Variants in VCPIP1 observed in about 807,000 individuals in gnomAD.
VCPIP1 encodes the protein deubiquitinating protein VCPIP1.
In VCPIP1, 8 loss-of-function variants were observed where a neutral mutation model predicts 85.0. The observed-to-expected ratio is 0.09, with a 90% CI of 0.06 to 0.17. The LOEUF is 0.17. VCPIP1 is among the 10% of genes least tolerant of loss of function. VCPIP1 has a pLI of 1.00. For synonymous variants in VCPIP1, 543 were observed against 544.5 expected, an observed-to-expected ratio of 1.00 and a Z score of 0.04; for missense variants, 1,070 against 1,486.3, an observed-to-expected ratio of 0.72 and a Z score of 4.61.
At chr8:66,657,342 T>A (rs1811110610) in intron 1 of VCPIP1, among the ~76,000 whole-genome samples, 1 of 152,220 alleles carries the variant, frequency 6.6e-6, no homozygotes, top group South Asian at 2.1e-4. Flanking sequence ...ATAATTTGAA[T>A]AAATGGTTCC....
intron 1 of VCPIP1, among the ~76,000 whole-genome samples, chr8:66,659,529 CTTA>C (rs1397566146): frequency 1.3e-5 from 2 of 152,118 alleles, no homozygotes; most frequent in Non-Finnish European, 2.9e-5. Flanking sequence ...AATACACCTA[CTTA>C]TTGTTTTATT....
At chr8:66,654,365 A>T (rs1283634529) in intron 1 of VCPIP1, among the ~76,000 whole-genome samples, 1 of 152,140 alleles carries the variant, frequency 6.6e-6, no homozygotes, top group Non-Finnish European at 1.5e-5. Flanking sequence ...TATCCTAGCT[A>T]CTCTGGAGGC....
intron 1 of VCPIP1, among the ~76,000 whole-genome samples, chr8:66,654,268 G>C (rs1811079228): frequency 6.6e-6 from 1 of 152,230 alleles, no homozygotes; most frequent in Admixed American, 6.5e-5. Context: ...CTGACGTCAG[G>C]AGTTCAAGAC....
chr8:66,646,524 G>A (rs1284561134), intron 2 of VCPIP1, among the ~76,000 whole-genome samples: 2 of 152,102 alleles, frequency 1.3e-5, no homozygotes, highest in Non-Finnish European at 2.9e-5. Flanking sequence ...GGCCAGGCGC[G>A]GTGGTTCACG....
chr8:66,656,695 T>C (rs1459331299), intron 1 of VCPIP1, among the ~76,000 whole-genome samples: 2 of 151,910 alleles, frequency 1.3e-5, no homozygotes, highest in Non-Finnish European at 2.9e-5. Context: ...CTGCAGCCTC[T>C]ATCTTCCAGG....
Position 66,664,888 on chromosome 8 carries a change from T to C in VCPIP1, c.2071A>G (p.Lys691Glu), listed in dbSNP as rs1313844396. ...GQESESQLPT[K>E]IILTGQKTKT... ...GTTTTCTGTCCAGTAAGAATAATTTTAGTTGGGAGCTGAGACTCTGATTCT... is the reference window on the plus strand; with the variant it reads ...GTTTTCTGTCCAGTAAGAATAATTTCAGTTGGGAGCTGAGACTCTGATTCT... Residue 691 changes from lysine to glutamate, a missense_variant, in exon 1 of 3, where the codon AAA (lysine) becomes GAA (glutamate). Lys to Glu is a moderately conservative substitution (Grantham distance 56). This residue lies in a region of VCPIP1 where 278 missense variants were observed against 298.5 expected (regional missense o/e 0.93). Coordinates refer to ENST00000310421, the MANE Select transcript of VCPIP1 (RefSeq NM_025054.5). 1 of 1,614,232 alleles carries C rather than the reference T, an allele frequency of 6.2e-7. No homozygotes were observed. The highest frequency in any genetic ancestry group is 8.5e-7 in the Non-Finnish European group (1 of 1,180,042).
In VCPIP1 at chr8:66,632,156, A is replaced by G. The variant is rs1160404940; in HGVS notation, c.*2345T>C. The G allele has an allele frequency of 6.6e-6, 1 of 152,052 alleles. No individual in the cohort carries two copies. The highest frequency in any genetic ancestry group is 1.9e-4 in the East Asian group (1 of 5,206). The allele number at this position is 152,052 out of a possible 1,614,324, so 9.4% of individuals were successfully genotyped here. A position where few individuals can be genotyped will look rare whatever the true frequency, so the allele number is the denominator to read the frequency against. The stretch of plus-strand genomic sequence containing the variant: ...CACAAATGGCAGTACTAGAAAAATA[A>G]CCATGCTATAGTCATGTATTTGGTT... On this transcript the variant is annotated 3_prime_UTR_variant, in exon 3 of 3. Transcript: ENST00000310421.
intron 1 of VCPIP1, among the ~76,000 whole-genome samples, chr8:66,652,010 CAAAAAAA>C (rs113576250): frequency 2.7e-5 from 2 of 73,552 alleles, no homozygotes; most frequent in South Asian, 3.9e-4. Flanking sequence ...TCTATCTCTA[CAAAAAAA>C]AAAAAAAAAA....
chr8:66,641,507 G>A (rs747447204), intron 2 of VCPIP1, among the ~76,000 whole-genome samples: 7 of 152,106 alleles, frequency 4.6e-5, no homozygotes, highest in Non-Finnish European at 5.9e-5. Context: ...TTACAGGCAT[G>A]AGCTACTGTG....
intron 2 of VCPIP1, among the ~76,000 whole-genome samples, chr8:66,638,671 C>T (rs1311848081): frequency 1.3e-5 from 2 of 151,702 alleles, no homozygotes; most frequent in Admixed American, 1.3e-4. Context: ...CCCAGCTACT[C>T]AGGAGGCTGA....
chr8:66,634,631 G>A lies in VCPIP1; in HGVS notation c.3539C>T (p.Ala1180Val), dbSNP rs776393183. The change falls in exon 3 of 3, where the codon GCA becomes GTA. Residue 1180 changes from alanine (A) to valine (V), a missense_variant. Ala to Val is a moderately conservative substitution (Grantham distance 64). This residue lies in a region of VCPIP1 where 255 missense variants were observed against 289.5 expected (regional missense o/e 0.88). Coordinates refer to ENST00000310421, the MANE Select transcript of VCPIP1 (RefSeq NM_025054.5). ...LNTETTDGCV[A>V]DALGAAFATR... is the part of the protein sequence containing the mutation. ...GGCAAAGGCTGCTCCCAGTGCATCTGCTACACAGCCATCAGTTGTTTCTGT... is the reference window on the plus strand; with the variant it reads ...GGCAAAGGCTGCTCCCAGTGCATCTACTACACAGCCATCAGTTGTTTCTGT... 5.6e-6 allele frequency: 9 copies of A among 1,614,204 alleles called. No homozygotes were observed. In the South Asian group the frequency reaches 9.9e-5, roughly 18 times the overall value.
intron 2 of VCPIP1, among the ~76,000 whole-genome samples, chr8:66,650,833 C>G (rs71515030): frequency 8.7e-6 from 1 of 114,362 alleles, no homozygotes; most frequent in South Asian, 2.9e-4. Flanking sequence ...ACACTCCAGT[C>G]TGGGGGACAA....
intron 2 of VCPIP1, among the ~76,000 whole-genome samples, chr8:66,637,589 T>A (rs552315429): frequency 1.6e-3 from 238 of 151,884 alleles, no homozygotes; most frequent in African/African-American, 5.5e-3. Flanking sequence ...ATAGACAGAA[T>A]GTTCAGATTT....
At chr8:66,639,393 T>C (rs1810925939) in intron 2 of VCPIP1, among the ~76,000 whole-genome samples, 1 of 148,096 alleles carries the variant, frequency 6.8e-6, no homozygotes, top group South Asian at 2.2e-4. Context: ...TCAGCTCTGT[T>C]GCCTAGGCTG....
intron 2 of VCPIP1, among the ~76,000 whole-genome samples, chr8:66,639,600 A>G (rs187157642): frequency 6.6e-6 from 1 of 152,082 alleles, no homozygotes; most frequent in Non-Finnish European, 1.5e-5. Context: ...TACTGGGATT[A>G]TAGGCATGGA....
intron 2 of VCPIP1, among the ~76,000 whole-genome samples, chr8:66,641,888 C>T (rs1187494842): frequency 1.3e-5 from 2 of 152,184 alleles, no homozygotes; most frequent in African/African-American, 2.4e-5. Context: ...ATGAATAATG[C>T]ACCTATGAAC....
chr8:66,639,536 G>A (rs1277187951), intron 2 of VCPIP1, among the ~76,000 whole-genome samples: 1 of 151,416 alleles, frequency 6.6e-6, no homozygotes, highest in African/African-American at 2.4e-5. Flanking sequence ...TGCATTTTTT[G>A]TAGAGACAGG....
intron 1 of VCPIP1, among the ~76,000 whole-genome samples, chr8:66,663,103 CAAAAAAAAAAGAAA>C (rs1329131557): frequency 5.5e-5 from 7 of 127,022 alleles, no homozygotes; most frequent in Admixed American, 2.5e-4. Flanking sequence ...GACTCCATCT[CAAAAAAAAAAGAAA>C]AAAAAAAAAG....
rs976765857 is a variant in VCPIP1 at position 66,644,924 on chromosome 8, C to A, written c.2797+6534G>T. On this transcript the variant is annotated intron_variant, in intron 2 of 2. Transcript: ENST00000310421. Reference sequence around the variant, plus strand: ...GACCAGCCTGGGCAATACAGTGAAACCCCGTCTCTACAAAAAATACAAAAA... The same window carrying A: ...GACCAGCCTGGGCAATACAGTGAAAACCCGTCTCTACAAAAAATACAAAAA... Among the ~76,000 whole-genome samples, 4 of 151,502 alleles carry A rather than the reference C, an allele frequency of 2.6e-5. No homozygotes were observed. The East Asian group carries it at 7.7e-4, about 29-fold the overall frequency.
Sources: gnomAD v4.1 joint callset for allele counts (sites outside exome capture counted in the v4.1 genomes callset) on GRCh38, gnomAD v4.1.1 for gene constraint, gnomAD v4.1.1 regional missense constraint, MANE v1.5 for transcripts, NCBI Gene and HGNC (gene_info 2026-07-23, HGNC 2026-07-21) for gene names.